The following PIP5K1B variants were observed in gnomAD, a reference collection of about 807,000 sequenced individuals.
PIP5K1B encodes phosphatidylinositol-4-phosphate 5-kinase type 1 beta, also known as phosphatidylinositol 4-phosphate 5-kinase type-1 beta.
Under a neutral mutation model 67.0 loss-of-function variants are expected in PIP5K1B, and 42 were observed. The observed-to-expected ratio is 0.63, with a 90% CI of 0.49 to 0.81. The LOEUF (loss-of-function observed/expected upper bound fraction) is 0.81. PIP5K1B is among the 30% of genes least tolerant of loss of function. The probability of loss-of-function intolerance (pLI) is 0.00; values close to 1 mark genes in which losing one functional copy is unlikely to be tolerated. For missense variants in PIP5K1B, 459 were observed against 646.3 expected, an observed-to-expected ratio of 0.71 and a Z score of 3.14; for synonymous variants, 214 against 231.4, an observed-to-expected ratio of 0.92 and a Z score of 0.68.
At chr9:68,796,687 G>A (rs376927348) in intron 2 of PIP5K1B, among the ~76,000 whole-genome samples, 1 of 152,190 alleles carries the variant, frequency 6.6e-6, no homozygotes, top group South Asian at 2.1e-4. Context: ...AGGTTGCCAG[G>A]AAGTCAGTGA....
chr9:68,899,063 G>C (rs1289001930), intron 8 of PIP5K1B, among the ~76,000 whole-genome samples: 2 of 152,162 alleles, frequency 1.3e-5, no homozygotes, highest in Non-Finnish European at 2.9e-5. Flanking sequence ...TTCAGCTTCT[G>C]TCTCCAGCCT....
At chr9:68,786,917 G>A (rs1020553027) in intron 2 of PIP5K1B, among the ~76,000 whole-genome samples, 20 of 152,102 alleles carry the variant, frequency 1.3e-4, no homozygotes, top group African/African-American at 2.2e-4. Flanking sequence ...GTTTCCAACC[G>A]GAAGGTTGGG....
chr9:68,893,224 A>G (rs1824890214), intron 7 of PIP5K1B, among the ~76,000 whole-genome samples: 1 of 152,196 alleles, frequency 6.6e-6, no homozygotes, highest in African/African-American at 2.4e-5. Context: ...GGAAGAATCA[A>G]GGATAGCAGA....
intron 4 of PIP5K1B, among the ~76,000 whole-genome samples, chr9:68,858,549 G>A (rs988161114): frequency 1.3e-5 from 2 of 152,168 alleles, no homozygotes; most frequent in Non-Finnish European, 2.9e-5. Context: ...CGTGGGAGTT[G>A]GTGGGAAGCA....
At chr9:68,876,823 A>G (rs746300209) in intron 6 of PIP5K1B, 29 bp downstream of exon 6, 4 of 1,085,418 alleles carry the variant, frequency 3.7e-6, no homozygotes, top group African/African-American at 3.1e-5. Context: ...TCTTCCTTCT[A>G]TAGAAATGTG....
chr9:68,773,169 C>T (rs1830747628), intron 2 of PIP5K1B, among the ~76,000 whole-genome samples: 1 of 152,214 alleles, frequency 6.6e-6, no homozygotes, highest in Admixed American at 6.5e-5. Flanking sequence ...ATAAATCCAA[C>T]TAGATTTGCA....
intron 8 of PIP5K1B, among the ~76,000 whole-genome samples, chr9:68,901,213 G>A (rs1825336163): frequency 1.3e-5 from 2 of 152,104 alleles, no homozygotes; most frequent in Non-Finnish European, 2.9e-5. Flanking sequence ...AACATGAAAA[G>A]GGTGCAGGGA....
chr9:68,873,309 A>G (rs1823719678), intron 5 of PIP5K1B, among the ~76,000 whole-genome samples: 1 of 117,354 alleles, frequency 8.5e-6, no homozygotes, highest in Non-Finnish European at 1.7e-5. Flanking sequence ...TTTGTCTGAG[A>G]CAGGGTCTTG....
rs548486143 is a variant in PIP5K1B at position 68,960,621 on chromosome 9, T to C, written c.1502+19831T>C. 2.0e-5 allele frequency among the ~76,000 whole-genome samples: 3 copies of C among 152,342 alleles called. No individual in the cohort carries two copies. The South Asian group carries it at 6.2e-4, about 32-fold the overall frequency. ...TTACTCTATTTTTTGTGGGATTTCC[T>C]CAAATTTTCATACAGCCCTCTAATT... On this transcript the variant is annotated intron_variant, in intron 14 of 15. Coordinates refer to ENST00000265382, the MANE Select transcript of PIP5K1B (RefSeq NM_003558.4).
At chr9:68,879,941 T>C (rs565089537) in intron 6 of PIP5K1B, among the ~76,000 whole-genome samples, 2 of 152,364 alleles carry the variant, frequency 1.3e-5, no homozygotes, top group African/African-American at 4.8e-5. Flanking sequence ...AACATCATGT[T>C]GTATACCATA....
intron 4 of PIP5K1B, among the ~76,000 whole-genome samples, chr9:68,856,562 A>G (rs1324508534): frequency 6.6e-6 from 1 of 151,778 alleles, no homozygotes; most frequent in Non-Finnish European, 1.5e-5. Flanking sequence ...TCTGTCACTG[A>G]CTTCATTTGT....
intron 11 of PIP5K1B, among the ~76,000 whole-genome samples, chr9:68,920,803 T>TACACACAC (rs59573461): frequency 0.011 from 1,552 of 141,494 alleles, 34 homozygotes; most frequent in African/African-American, 0.033. Context: ...TACACACACA[T>TACACACAC]ACACACACAC....
intron 4 of PIP5K1B, among the ~76,000 whole-genome samples, chr9:68,831,238 A>G (rs142678702): frequency 2.0e-5 from 3 of 152,330 alleles, no homozygotes; most frequent in Admixed American, 2.0e-4. Flanking sequence ...AAGCCTACTA[A>G]TTCAGTGAAT....
intron 2 of PIP5K1B, among the ~76,000 whole-genome samples, chr9:68,812,838 T>A (rs1833240937): frequency 6.6e-6 from 1 of 152,242 alleles, no homozygotes. Flanking sequence ...TATTTGGATC[T>A]CCACGTATTT....
intron 7 of PIP5K1B, among the ~76,000 whole-genome samples, chr9:68,890,872 A>G (rs1824747187): frequency 6.6e-6 from 1 of 152,220 alleles, no homozygotes; most frequent in Non-Finnish European, 1.5e-5. Context: ...TTAAAATTCC[A>G]TAGTTCTGAG....
Position 68,906,923 on chromosome 9 carries a change from C to G in PIP5K1B, c.772-10625C>G, listed in dbSNP as rs139128887. 5.8e-3 allele frequency among the ~76,000 whole-genome samples: 886 copies of G among 152,114 alleles called. 10 individuals carry two copies. Among genetic ancestry groups the G allele is most frequent in the African/African-American group, 0.02 (835 of 41,496 alleles). ...TGAATTGGCTATCCAACTTTTTTTT[C>G]TAGTTTGTTAGCAATTTCAGAAAAA... On this transcript the variant is annotated intron_variant, in intron 8 of 15. Transcript: ENST00000265382.
At chr9:68,718,836 A>AT (rs939940774) in intron 1 of PIP5K1B, among the ~76,000 whole-genome samples, 95 of 149,834 alleles carry the variant, frequency 6.3e-4, no homozygotes, top group Admixed American at 1.3e-3. Flanking sequence ...TTTCTTGATA[A>AT]TTTTTTTTTT....
intron 4 of PIP5K1B, among the ~76,000 whole-genome samples, chr9:68,847,312 T>G (rs1245866722): frequency 6.6e-6 from 1 of 151,096 alleles, no homozygotes; most frequent in African/African-American, 2.4e-5. Context: ...ATGCCACTGA[T>G]ATTTCCAGAG....
chr9:68,719,264 AT>A (rs1409670813), intron 1 of PIP5K1B, among the ~76,000 whole-genome samples: 1 of 152,210 alleles, frequency 6.6e-6, no homozygotes, highest in African/African-American at 2.4e-5. Context: ...TAAGTTAAAC[AT>A]AGTGGCAATT....
Sources: gnomAD v4.1 joint callset for allele counts (sites outside exome capture counted in the v4.1 genomes callset) on GRCh38, gnomAD v4.1.1 for gene constraint, MANE v1.5 for transcripts, NCBI Gene and HGNC (gene_info 2026-07-23, HGNC 2026-07-21) for gene names.